The following ZNF385D variants were observed in gnomAD, a reference collection of about 807,000 sequenced individuals.
ZNF385D encodes zinc finger protein 659.
Under a neutral mutation model 35.8 loss-of-function variants are expected in ZNF385D, and 15 were observed. The observed-to-expected ratio is 0.42, with a 90% CI of 0.28 to 0.64. The LOEUF is 0.64. Ranked by LOEUF, ZNF385D falls within the 30% of genes least tolerant of loss-of-function variation. The pLI is 0.23. For missense variants in ZNF385D, 474 were observed against 494.6 expected, an observed-to-expected ratio of 0.96 and a Z score of 0.39; for synonymous variants, 212 against 186.8, an observed-to-expected ratio of 1.13 and a Z score of -1.10.
intron 3 of ZNF385D, among the ~76,000 whole-genome samples, chr3:21,795,290 C>T (rs915847432): frequency 2.0e-5 from 3 of 152,178 alleles, no homozygotes; most frequent in Non-Finnish European, 4.4e-5. Flanking sequence ...CCTCTAATAA[C>T]GAAGAAGCCT....
At chr3:21,639,805 A>G (rs975313948) in intron 2 of ZNF385D, among the ~76,000 whole-genome samples, 1 of 152,000 alleles carries the variant, frequency 6.6e-6, no homozygotes, top group Non-Finnish European at 1.5e-5. Context: ...ATTATATATA[A>G]TAGTTATAGA....
intron 3 of ZNF385D, among the ~76,000 whole-genome samples, chr3:22,072,911 C>T (rs76133246): frequency 0.081 from 12,343 of 151,926 alleles, 663 homozygotes; most frequent in Admixed American, 0.16. Flanking sequence ...CGGGAAGATT[C>T]AGGGCCAAGA....
chr3:21,778,336 T>C (rs1437610138), intron 3 of ZNF385D, among the ~76,000 whole-genome samples: 1 of 151,884 alleles, frequency 6.6e-6, no homozygotes, highest in Non-Finnish European at 1.5e-5. Context: ...TAGCCATCTG[T>C]CTTCAAAGCT....
At chr3:21,932,787 A>G (rs1701078415) in intron 3 of ZNF385D, among the ~76,000 whole-genome samples, 1 of 152,182 alleles carries the variant, frequency 6.6e-6, no homozygotes, top group Non-Finnish European at 1.5e-5. Flanking sequence ...AAAGTGCTAC[A>G]GAATAAAAAC....
chr3:21,781,028 C>A (rs2071468234), intron 3 of ZNF385D, among the ~76,000 whole-genome samples: 1 of 151,996 alleles, frequency 6.6e-6, no homozygotes, highest in Non-Finnish European at 1.5e-5. Flanking sequence ...TTGGATCCCC[C>A]ATAATTGAGA....
intron 1 of ZNF385D, among the ~76,000 whole-genome samples, chr3:21,744,658 C>A (rs1426945010): frequency 6.6e-6 from 1 of 152,078 alleles, no homozygotes; most frequent in Non-Finnish European, 1.5e-5. Flanking sequence ...ATTTTGCTAT[C>A]TTATATAATT....
intron 3 of ZNF385D, among the ~76,000 whole-genome samples, chr3:22,007,105 A>G (rs959715158): frequency 6.6e-6 from 1 of 152,166 alleles, no homozygotes; most frequent in African/African-American, 2.4e-5. Context: ...TTTCAAAAAA[A>G]TCTACACCAA....
At chr3:22,156,244 A>G (rs532635220) in intron 3 of ZNF385D, among the ~76,000 whole-genome samples, 1 of 152,196 alleles carries the variant, frequency 6.6e-6, no homozygotes, top group African/African-American at 2.4e-5. Flanking sequence ...AACAAGAAAA[A>G]CACATAAAAT....
intron 4 of ZNF385D, among the ~76,000 whole-genome samples, chr3:21,493,859 T>C (rs1346696905): frequency 1.3e-5 from 2 of 152,166 alleles, no homozygotes; most frequent in African/African-American, 4.8e-5. Context: ...AAGGAGATCA[T>C]ACATATCCTG....
intron 1 of ZNF385D, among the ~76,000 whole-genome samples, chr3:21,707,770 A>G (rs994790327): frequency 6.6e-6 from 1 of 152,236 alleles, no homozygotes; most frequent in Non-Finnish European, 1.5e-5. Flanking sequence ...AATATTTCCA[A>G]TTAGTAATAT....
chr3:21,872,810 C>A (rs1482411798), intron 3 of ZNF385D, among the ~76,000 whole-genome samples: 1 of 152,120 alleles, frequency 6.6e-6, no homozygotes, highest in Non-Finnish European at 1.5e-5. Flanking sequence ...AACACACTCC[C>A]TCTAAAGATG....
intron 3 of ZNF385D, among the ~76,000 whole-genome samples, chr3:22,159,048 G>A (rs999327394): frequency 4.6e-5 from 7 of 151,858 alleles, no homozygotes; most frequent in South Asian, 2.1e-4. Flanking sequence ...AGATGTTGTC[G>A]GTGGACGTGA....
chr3:21,881,081 G>A (rs1698253052), intron 3 of ZNF385D, among the ~76,000 whole-genome samples: 1 of 151,888 alleles, frequency 6.6e-6, no homozygotes, highest in East Asian at 1.9e-4. Flanking sequence ...AAAATACAAG[G>A]TGAAGCTGCA....
intron 3 of ZNF385D, among the ~76,000 whole-genome samples, chr3:21,543,271 C>T (rs2062244172): frequency 6.6e-6 from 1 of 152,276 alleles, no homozygotes; most frequent in Non-Finnish European, 1.5e-5. Flanking sequence ...GCCAAGATCA[C>T]GCCACTCTAC....
intron 2 of ZNF385D, among the ~76,000 whole-genome samples, chr3:22,341,600 T>G (rs1695423101): frequency 6.6e-6 from 1 of 152,312 alleles, no homozygotes; most frequent in East Asian, 1.9e-4. Context: ...GGCAAAGGGG[T>G]ATTCCTTTAT....
chr3:22,018,048 A>G (rs903225210), intron 3 of ZNF385D, among the ~76,000 whole-genome samples: 2 of 151,862 alleles, frequency 1.3e-5, no homozygotes, highest in East Asian at 1.9e-4. Context: ...TTTTTTCCCA[A>G]TAGCACTTTG....
intron 1 of ZNF385D, among the ~76,000 whole-genome samples, chr3:21,701,713 G>C (rs1218897112): frequency 6.6e-6 from 1 of 152,070 alleles, no homozygotes; most frequent in African/African-American, 2.4e-5. Context: ...GATACAATAG[G>C]GGTACAGGTA....
intron 3 of ZNF385D, among the ~76,000 whole-genome samples, chr3:22,123,306 ATATT>A (rs1384525763): frequency 6.6e-6 from 1 of 152,138 alleles, no homozygotes; most frequent in Non-Finnish European, 1.5e-5. Flanking sequence ...TATATTTGAG[ATATT>A]TATTTATATA....
At chr3:21,783,995 A>C (rs1183417120) in intron 3 of ZNF385D, among the ~76,000 whole-genome samples, 4 of 152,066 alleles carry the variant, frequency 2.6e-5, no homozygotes, top group Non-Finnish European at 4.4e-5. Flanking sequence ...CCTTTTTTTC[A>C]ATCAGGACTC....
Sources: allele counts gnomAD v4.1 joint callset (sites outside exome capture counted in the v4.1 genomes callset), GRCh38; gene constraint gnomAD v4.1.1; transcripts MANE v1.5; gene names NCBI Gene and HGNC (gene_info 2026-07-23, HGNC 2026-07-21).